The following FILIP1 variants were observed in gnomAD, a reference collection of about 807,000 sequenced individuals.
The protein encoded by FILIP1 is filamin-A-interacting protein 1.
FILIP1 carries 61 observed loss-of-function variants against 102.1 expected under a neutral mutation model. The ratio of observed to expected loss-of-function variants is 0.60; its 90% CI spans 0.49 to 0.74. FILIP1 has a LOEUF of 0.74. FILIP1 is among the 30% of genes least tolerant of loss of function. The pLI is 0.00. For missense variants in FILIP1, 1,314 were observed against 1,441.2 expected (o/e 0.91, Z 1.43); for synonymous variants, 491 against 526.9 (o/e 0.93, Z 0.93).
At chr6:75,295,917 G>A (rs77313832) in exon 7 of FILIP1, 35,281 of 1,455,630 alleles carry the variant, frequency 0.024, 526 homozygotes, top group Non-Finnish European at 0.028. Flanking sequence ...ATTTCATCTG[G>A]AGTTCATTCG....
intron 2 of FILIP1, among the ~76,000 whole-genome samples, chr6:75,371,012 C>G (rs977792496): frequency 6.6e-6 from 1 of 151,998 alleles, no homozygotes; most frequent in Non-Finnish European, 1.5e-5. Flanking sequence ...ATACTATTTA[C>G]CTGAGTTGGA....
At chr6:75,445,586 G>T (rs1388460927) in intron 1 of FILIP1, among the ~76,000 whole-genome samples, 1 of 151,832 alleles carries the variant, frequency 6.6e-6, no homozygotes, top group African/African-American at 2.4e-5. Context: ...ATTTGAGCAT[G>T]TGAGCTTATT....
intron 4 of FILIP1, among the ~76,000 whole-genome samples, chr6:75,346,197 T>C (rs1260321666): frequency 6.6e-6 from 1 of 152,208 alleles, no homozygotes; most frequent in East Asian, 1.9e-4. Context: ...TATTTTAAAT[T>C]TTTTAAAAGA....
intron 2 of FILIP1, among the ~76,000 whole-genome samples, chr6:75,406,647 G>A (rs983411619): frequency 2.8e-5 from 4 of 144,322 alleles, no homozygotes; most frequent in African/African-American, 5.1e-5. Context: ...CAAATCTCTC[G>A]AATAGCAATG....
rs773928620 is a variant in FILIP1 at position 75,314,317 on chromosome 6, G to A, written c.1515C>T (p.Thr505=). 151 of 1,522,224 alleles carry A rather than the reference G, an allele frequency of 9.9e-5. 1 individual carries two copies. The highest frequency in any genetic ancestry group is 1.4e-4 in the South Asian group (10 of 74,056). The allele number at this position is 1,522,224 out of a possible 1,614,324, so 94.3% of individuals were successfully genotyped here. The part of the protein sequence containing the change: ...KDDLTKLKSF[T]VMLVDERKNM... ...TTTTCCTTTCATCAACCAGCATCAC[G>A]GTAAATGACTTCAACTTGGTAAGAT... Residue 505 remains threonine (T), a synonymous_variant, in exon 5 of 6, where the codon ACC becomes ACT. Transcript: ENST00000237172.
chr6:75,412,580 G>C (rs1173810003), intron 2 of FILIP1, among the ~76,000 whole-genome samples: 2 of 152,030 alleles, frequency 1.3e-5, no homozygotes, highest in Admixed American at 6.6e-5. Context: ...ACCCACATTT[G>C]CTAATGTTAA....
intron 2 of FILIP1, among the ~76,000 whole-genome samples, chr6:75,377,494 G>A (rs908324650): frequency 2.0e-5 from 3 of 152,188 alleles, no homozygotes; most frequent in African/African-American, 7.2e-5. Context: ...TGCGATTTGA[G>A]TGAGCATAAA....
At chr6:75,465,520 A>G (rs1779136795) in intron 1 of FILIP1, 1 of 759,104 alleles carries the variant, frequency 1.3e-6, no homozygotes, top group Non-Finnish European at 2.2e-6. Flanking sequence ...AATAATGTCT[A>G]AAGAAAATAT....
At position 75,374,696 on chromosome 6, in the gene FILIP1, T is replaced by C. The variant is rs116528927; in HGVS notation, c.277-11779A>G. Among the ~76,000 whole-genome samples, 650 of 152,232 alleles carry C rather than the reference T, an allele frequency of 4.3e-3. 4 individuals are homozygous for C. Among genetic ancestry groups the C allele is most frequent in the African/African-American group, 0.014 (596 of 41,532 alleles). ...TGCCGGGCCAGTGAGAAGCTGAATT[T>C]TTTAGAACATGGGAGAAGTCATTGC... On this transcript the variant is annotated intron_variant, in intron 2 of 5. Coordinates refer to ENST00000237172, the MANE Select transcript of FILIP1 (RefSeq NM_015687.5).
At chr6:75,460,712 G>A (rs1362576353) in intron 1 of FILIP1, among the ~76,000 whole-genome samples, 2 of 152,244 alleles carry the variant, frequency 1.3e-5, no homozygotes, top group East Asian at 3.9e-4. Context: ...GTGAGCCTTA[G>A]TCCTCATTAT....
chr6:75,393,810 G>A (rs931187881), intron 2 of FILIP1, among the ~76,000 whole-genome samples: 13 of 152,174 alleles, frequency 8.5e-5, no homozygotes, highest in African/African-American at 2.9e-4. Context: ...TTTCTGTTGG[G>A]TTCTGCTAAT....
At chr6:75,475,468 G>A (rs542353403) in intron 1 of FILIP1, among the ~76,000 whole-genome samples, 1 of 152,054 alleles carries the variant, frequency 6.6e-6, no homozygotes, top group African/African-American at 2.4e-5. Flanking sequence ...CCCTACAAAG[G>A]ACAGCACAGC....
At chr6:75,486,296 C>T (rs2149784731) in intron 1 of FILIP1, among the ~76,000 whole-genome samples, 1 of 152,270 alleles carries the variant, frequency 6.6e-6, no homozygotes, top group South Asian at 2.1e-4. Flanking sequence ...AACCAAGAAC[C>T]ACATTGCCCC....
chr6:75,455,669 T>C (rs1284880075), intron 1 of FILIP1, among the ~76,000 whole-genome samples: 3 of 152,190 alleles, frequency 2.0e-5, no homozygotes, highest in African/African-American at 7.2e-5. Flanking sequence ...CTCAAGGTCA[T>C]GCCATTCCCT....
chr6:75,482,649 G>C (rs371533919), intron 1 of FILIP1, among the ~76,000 whole-genome samples: 1 of 152,158 alleles, frequency 6.6e-6, no homozygotes, highest in Non-Finnish European at 1.5e-5. Flanking sequence ...TGATACTCTA[G>C]TGAACATTTA....
Position 75,313,492 on chromosome 6 carries a change from C to G in FILIP1, c.2340G>C (p.Lys780Asn), listed in dbSNP as rs747726048. ...TGGGCCTAAGAGCTCTGCTGTAGCGCTTGGAAAGCTCCAACTCTTTGGTCA... is the reference window on the plus strand; with the variant it reads ...TGGGCCTAAGAGCTCTGCTGTAGCGGTTGGAAAGCTCCAACTCTTTGGTCA... The part of the protein sequence containing the change: ...LNLTKELELS[K>N]RYSRALRPSV... Residue 780 changes from lysine (K) to asparagine (N), a missense_variant, in exon 5 of 6, where the codon AAG (lysine) becomes AAC (asparagine). Around this residue, in one of 3 missense-constraint regions of FILIP1, gnomAD observed 816 missense variants for 913.1 expected, o/e 0.89. Transcript: ENST00000237172. The surrounding 1 kb of genome is among the most constrained non-coding windows in gnomAD (Gnocchi z 4.2). 1 of 1,614,206 alleles carries G rather than the reference C, an allele frequency of 6.2e-7. No individual in the cohort carries two copies. Among genetic ancestry groups the G allele is most frequent in the South Asian group, 1.1e-5 (1 of 91,084 alleles).
chr6:75,454,776 C>T (rs556882510), intron 1 of FILIP1, among the ~76,000 whole-genome samples: 8 of 152,204 alleles, frequency 5.3e-5, no homozygotes, highest in African/African-American at 1.9e-4. Flanking sequence ...CCAATTTTAG[C>T]CATAGTTGAG....
At chr6:75,307,958 T>G, downstream of FILIP1, 2 of 841,126 alleles carry the variant, frequency 2.4e-6, no homozygotes, top group Non-Finnish European at 2.9e-6. Flanking sequence ...ATTGCACACT[T>G]GAATAGAGCA....
At chr6:75,326,304 C>T (rs1026302298) in intron 4 of FILIP1, among the ~76,000 whole-genome samples, 7 of 151,996 alleles carry the variant, frequency 4.6e-5, no homozygotes, top group African/African-American at 1.2e-4. Context: ...GCTATGAGGA[C>T]GCAAAGGCAT....
Sources: gnomAD v4.1 joint callset for allele counts (sites outside exome capture counted in the v4.1 genomes callset) on GRCh38, gnomAD v4.1.1 for gene constraint, gnomAD v4.1.1 regional missense constraint, Gnocchi (gnomAD v3.1) non-coding constraint, MANE v1.5 for transcripts, NCBI Gene and HGNC (gene_info 2026-07-23, HGNC 2026-07-21) for gene names.